HTR1E: variants seen among roughly 807,000 people sequenced by gnomAD.
The protein encoded by HTR1E is 5-hydroxytryptamine receptor 1E, also known as 5-HT-1E.
Under a neutral mutation model 3.4 loss-of-function variants are expected in HTR1E, and 3 were observed. The ratio of observed to expected loss-of-function variants is 0.89; its 90% CI spans 0.41 to 2.31. HTR1E has a LOEUF of 2.31. Among genes scored for constraint, HTR1E ranks in the 30% most tolerant of loss-of-function variants. HTR1E has a pLI of 0.05. For synonymous variants in HTR1E, 170 were observed against 182.8 expected (o/e 0.93, Z 0.56); for missense variants, 392 against 467.0 (o/e 0.84, Z 1.48).
At position 87,016,552 on chromosome 6, in the gene HTR1E, T is replaced by G. The variant is rs896323430; in HGVS notation, c.*120T>G. 8.8e-6 allele frequency: 7 copies of G among 798,930 alleles called. No individual in the cohort carries two copies. In the African/African-American group the frequency reaches 1.2e-4, roughly 14 times the overall value. The allele number at this position is 798,930 out of a possible 1,614,324, so 49.5% of individuals were successfully genotyped here. A position where few individuals can be genotyped will look rare whatever the true frequency, so the allele number is the denominator to read the frequency against. ...CAGGAGAGTTTGTAAGTATGTGTGG[T>G]CTTGTTTCCTTGTTTGTTTGTTTGT... On this transcript the variant is annotated 3_prime_UTR_variant, in exon 2 of 2. Coordinates refer to ENST00000305344, the MANE Select transcript of HTR1E (RefSeq NM_000865.3).
intron 1 of HTR1E, among the ~76,000 whole-genome samples, chr6:86,972,317 T>A (rs1369035175): frequency 6.6e-6 from 1 of 152,068 alleles, no homozygotes; most frequent in African/African-American, 2.4e-5. Flanking sequence ...TATGCAGGGG[T>A]TAAAGGTCAT....
At chr6:86,982,192 C>CT (rs1250615335) in intron 1 of HTR1E, among the ~76,000 whole-genome samples, 1 of 152,178 alleles carries the variant, frequency 6.6e-6, no homozygotes, top group African/African-American at 2.4e-5. Flanking sequence ...CCATATTTTC[C>CT]TGTAGGCATC....
intron 1 of HTR1E, chr6:86,970,365 C>T (rs564964208): frequency 6.6e-6 from 1 of 152,306 alleles, no homozygotes; most frequent in African/African-American, 2.4e-5. Context: ...GACCCGGGCC[C>T]AAATCCTTGG....
At chr6:87,000,327 T>G (rs190774932) in intron 1 of HTR1E, 1 of 152,246 alleles carries the variant, frequency 6.6e-6, no homozygotes, top group Admixed American at 6.5e-5. Flanking sequence ...ATAAAACAAT[T>G]GTAATATAAA....
intron 1 of HTR1E, among the ~76,000 whole-genome samples, chr6:86,974,191 G>A (rs564764950): frequency 2.0e-5 from 3 of 152,152 alleles, no homozygotes; most frequent in Admixed American, 2.0e-4. Context: ...AACCACTTGA[G>A]AGTAAATTGC....
chr6:86,990,280 A>G (rs1369242716), intron 1 of HTR1E, among the ~76,000 whole-genome samples: 1 of 152,256 alleles, frequency 6.6e-6, no homozygotes, highest in Admixed American at 6.5e-5. Context: ...GGCATTTCAT[A>G]AAGTTCATTT....
chr6:86,993,192 G>C (rs561294979), intron 1 of HTR1E, among the ~76,000 whole-genome samples: 5 of 152,046 alleles, frequency 3.3e-5, no homozygotes, highest in African/African-American at 1.2e-4. Context: ...GTAAAACTGG[G>C]TGACAGTATA....
chr6:86,965,579 CT>C (rs1370674083), intron 1 of HTR1E, among the ~76,000 whole-genome samples: 14 of 152,250 alleles, frequency 9.2e-5, no homozygotes, highest in Admixed American at 2.6e-4. Flanking sequence ...AGACCACTAT[CT>C]TTGCAGGCTT....
At chr6:86,938,035 C>T (rs1768494850) in intron 1 of HTR1E, among the ~76,000 whole-genome samples, 1 of 152,248 alleles carries the variant, frequency 6.6e-6, no homozygotes, top group Admixed American at 6.5e-5. Context: ...CTTGTTCAAA[C>T]AATTCCTCAA....
At chr6:86,977,662 C>G (rs1385184379) in intron 1 of HTR1E, among the ~76,000 whole-genome samples, 2 of 152,094 alleles carry the variant, frequency 1.3e-5, no homozygotes, top group East Asian at 3.9e-4. Context: ...GTAAGCGTTC[C>G]CTTTTCTCCA....
At chr6:86,953,808 A>C (rs1048148069) in intron 1 of HTR1E, among the ~76,000 whole-genome samples, 1 of 152,180 alleles carries the variant, frequency 6.6e-6, no homozygotes, top group African/African-American at 2.4e-5. Context: ...GTCTGTACAG[A>C]AAGATTGGCT....
At chr6:86,980,160 G>A (rs1460573537) in intron 1 of HTR1E, among the ~76,000 whole-genome samples, 1 of 152,072 alleles carries the variant, frequency 6.6e-6, no homozygotes, top group Non-Finnish European at 1.5e-5. Context: ...GGCCGAGGCG[G>A]GCGGATCATG....
intron 1 of HTR1E, among the ~76,000 whole-genome samples, chr6:86,988,321 A>G (rs187179579): frequency 5.8e-4 from 89 of 152,258 alleles, no homozygotes; most frequent in African/African-American, 2.1e-3. Context: ...AAAATCTGAG[A>G]TTTTACCCTA....
intron 1 of HTR1E, among the ~76,000 whole-genome samples, chr6:86,967,594 T>G (rs1258290923): frequency 6.6e-6 from 1 of 152,160 alleles, no homozygotes; most frequent in Non-Finnish European, 1.5e-5. Context: ...TTTCTTACTC[T>G]GACGAGGACA....
chr6:86,994,184 T>A (rs760454948), intron 1 of HTR1E, among the ~76,000 whole-genome samples: 13 of 152,146 alleles, frequency 8.5e-5, no homozygotes, highest in Middle Eastern at 3.2e-3. Context: ...TGGAGTCTCA[T>A]AAGGGAGAAA....
intron 1 of HTR1E, among the ~76,000 whole-genome samples, chr6:86,952,272 A>G (rs1305938613): frequency 6.6e-6 from 1 of 152,176 alleles, no homozygotes; most frequent in Non-Finnish European, 1.5e-5. Context: ...GAGAAAACCA[A>G]CAAGCATCTC....
intron 1 of HTR1E, among the ~76,000 whole-genome samples, chr6:86,961,273 T>C (rs1767403258): frequency 6.6e-6 from 1 of 152,216 alleles, no homozygotes; most frequent in African/African-American, 2.4e-5. Context: ...TTAAAAGTCA[T>C]AGCTAATTAT....
Position 86,954,139 on chromosome 6 carries a change from C to T in HTR1E, c.-186+16316C>T, listed in dbSNP as rs145155461. Among the ~76,000 whole-genome samples the T allele has an allele frequency of 3.4e-3, 521 of 152,212 alleles. 4 individuals are homozygous for T. The highest frequency in any genetic ancestry group is 6.2e-3 in the Admixed American group (95 of 15,282). The stretch of plus-strand genomic sequence containing the variant: ...GTAGTAGGGACATTTTTGCAGTCTA[C>T]AACAAGGGATATTATGAAGAAGTCA... On this transcript the variant is annotated intron_variant, in intron 1 of 1. Transcript: ENST00000305344.
intron 1 of HTR1E, among the ~76,000 whole-genome samples, chr6:86,987,400 T>C (rs1767804659): frequency 1.3e-5 from 2 of 152,022 alleles, no homozygotes; most frequent in Admixed American, 6.6e-5. Flanking sequence ...CTCCCTTCAA[T>C]AGCAAAGGAA....
Sources: gnomAD v4.1 joint callset for allele counts (sites outside exome capture counted in the v4.1 genomes callset) on GRCh38, gnomAD v4.1.1 for gene constraint, MANE v1.5 for transcripts, NCBI Gene and HGNC (gene_info 2026-07-23, HGNC 2026-07-21) for gene names.